DLG2: variants seen among roughly 807,000 people sequenced by gnomAD.
DLG2 encodes the protein discs large MAGUK scaffold protein 2, also known as disks large homolog 2.
DLG2 carries 45 observed loss-of-function variants against 132.5 expected under a neutral mutation model. The ratio of observed to expected loss-of-function variants is 0.34; its 90% CI spans 0.27 to 0.44. The LOEUF is 0.44. DLG2 is among the 20% of genes least tolerant of loss of function. DLG2 has a pLI of 1.00. For missense variants in DLG2, 1,045 were observed against 1,196.9 expected, an observed-to-expected ratio of 0.87 and a Z score of 1.87; for synonymous variants, 424 against 419.6, an observed-to-expected ratio of 1.01 and a Z score of -0.13.
chr11:83,611,505 T>C (rs1037315653), intron 19 of DLG2, among the ~76,000 whole-genome samples: 1 of 152,240 alleles, frequency 6.6e-6, no homozygotes, highest in Non-Finnish European at 1.5e-5. Context: ...TTTTTTGCTT[T>C]TGAAACTCCA....
chr11:85,402,085 C>G (rs746108606), intron 3 of DLG2, among the ~76,000 whole-genome samples: 1 of 152,180 alleles, frequency 6.6e-6, no homozygotes, highest in Non-Finnish European at 1.5e-5. Flanking sequence ...TACCTGACTT[C>G]AAACTATACT....
At chr11:83,583,139 T>G (rs2097012946) in intron 19 of DLG2, among the ~76,000 whole-genome samples, 1 of 152,222 alleles carries the variant, frequency 6.6e-6, no homozygotes, top group African/African-American at 2.4e-5. Context: ...ACTAGTTAAA[T>G]AAGAAGAAAT....
chr11:83,573,814 A>T (rs79448616), intron 19 of DLG2, among the ~76,000 whole-genome samples: 2,466 of 152,286 alleles, frequency 0.016, 80 homozygotes, highest in African/African-American at 0.055. Context: ...AATACAGGAT[A>T]ACTACATGTG....
chr11:84,541,314 G>A (rs1265755799), intron 6 of DLG2, among the ~76,000 whole-genome samples: 4 of 151,960 alleles, frequency 2.6e-5, no homozygotes, highest in Admixed American at 6.6e-5. Flanking sequence ...TACTACTTAT[G>A]TCTCCCTATC....
rs187144112 is a variant in DLG2, at chr11:84,635,007, G to A, written c.358-100276C>T. 2.0e-3 allele frequency among the ~76,000 whole-genome samples: 310 copies of A among 152,294 alleles called. 1 individual carries two copies. Among genetic ancestry groups the A allele is most frequent in the African/African-American group, 7.2e-3 (299 of 41,548 alleles). On this transcript the variant is annotated intron_variant, in intron 6 of 27. Transcript: ENST00000376104. The stretch of plus-strand genomic sequence containing the variant: ...TCAGAAAAGCACAATAATTCAATCC[G>A]CTGGAGGAGAGGATGACAACAGGGG...
At chr11:85,578,147 T>C (rs1162074456) in intron 3 of DLG2, among the ~76,000 whole-genome samples, 7 of 152,112 alleles carry the variant, frequency 4.6e-5, no homozygotes, top group Non-Finnish European at 8.8e-5. Context: ...GGGAAGGGAT[T>C]CCCTAATCAA....
chr11:85,172,768 G>A (rs1353294487), intron 4 of DLG2, among the ~76,000 whole-genome samples: 1 of 152,160 alleles, frequency 6.6e-6, no homozygotes, highest in Non-Finnish European at 1.5e-5. Context: ...AGCTAGTTTA[G>A]TGGGAACATA....
At chr11:83,465,579 G>A (rs1292474106) in intron 26 of DLG2, among the ~76,000 whole-genome samples, 4 of 152,030 alleles carry the variant, frequency 2.6e-5, no homozygotes, top group East Asian at 1.9e-4. Context: ...CATGGAAGAG[G>A]TACTGTTTAT....
intron 3 of DLG2, among the ~76,000 whole-genome samples, chr11:85,377,370 A>G (rs1163664910): frequency 6.6e-6 from 1 of 152,108 alleles, no homozygotes; most frequent in Admixed American, 6.6e-5. Flanking sequence ...TGAAAGCTTG[A>G]GTTTCCTCCT....
At chr11:84,992,222 T>C (rs2057196447) in intron 6 of DLG2, among the ~76,000 whole-genome samples, 1 of 152,162 alleles carries the variant, frequency 6.6e-6, no homozygotes, top group Non-Finnish European at 1.5e-5. Context: ...TCAATATTTT[T>C]TAAAGAATTG....
intron 18 of DLG2, among the ~76,000 whole-genome samples, chr11:83,673,368 C>G (rs2077152028): frequency 6.6e-6 from 1 of 152,102 alleles, no homozygotes; most frequent in Non-Finnish European, 1.5e-5. Context: ...TTCTAACGTC[C>G]TATGTTATGA....
At chr11:85,079,193 G>C (rs1441068929) in intron 6 of DLG2, among the ~76,000 whole-genome samples, 1 of 152,026 alleles carries the variant, frequency 6.6e-6, no homozygotes, top group Non-Finnish European at 1.5e-5. Flanking sequence ...TAAAGATCTG[G>C]CATCAGTAGA....
chr11:84,363,465 G>A (rs1039904925), intron 7 of DLG2, among the ~76,000 whole-genome samples: 3 of 152,064 alleles, frequency 2.0e-5, no homozygotes, highest in African/African-American at 7.2e-5. Context: ...TGGGTTTCCT[G>A]TTCACTCTGA....
At chr11:84,142,947 A>G (rs1182663662) in intron 9 of DLG2, among the ~76,000 whole-genome samples, 1 of 152,116 alleles carries the variant, frequency 6.6e-6, no homozygotes, top group African/African-American at 2.4e-5. Flanking sequence ...ATATATATAT[A>G]TGTCCTACTG....
chr11:85,152,039 A>C (rs1203413911), intron 5 of DLG2, among the ~76,000 whole-genome samples: 1 of 152,164 alleles, frequency 6.6e-6, no homozygotes, highest in East Asian at 1.9e-4. Context: ...TCTAAATATC[A>C]GAAAGAACAG....
intron 11 of DLG2, among the ~76,000 whole-genome samples, chr11:84,026,975 T>G (rs1444831449): frequency 6.6e-6 from 1 of 152,126 alleles, no homozygotes; most frequent in African/African-American, 2.4e-5. Flanking sequence ...ATTATATTTT[T>G]TAGGCCCTCG....
chr11:83,819,668 T>A (rs138405875), intron 17 of DLG2, among the ~76,000 whole-genome samples: 2 of 152,062 alleles, frequency 1.3e-5, no homozygotes, highest in Admixed American at 6.6e-5. Context: ...TCCTGGAATA[T>A]GTTTTACAGC....
At chr11:84,246,048 G>C (rs577907168) in intron 8 of DLG2, among the ~76,000 whole-genome samples, 1 of 152,198 alleles carries the variant, frequency 6.6e-6, no homozygotes, top group Non-Finnish European at 1.5e-5. Context: ...ACCCTGGATA[G>C]CTACTGTCCC....
At chr11:84,177,130 A>G (rs1404229123) in intron 8 of DLG2, among the ~76,000 whole-genome samples, 1 of 152,126 alleles carries the variant, frequency 6.6e-6, no homozygotes, top group Non-Finnish European at 1.5e-5. Flanking sequence ...GAAGAGATGG[A>G]AGAAAATTCA....
Sources: gnomAD v4.1 joint callset for allele counts (sites outside exome capture counted in the v4.1 genomes callset) on GRCh38, gnomAD v4.1.1 for gene constraint, MANE v1.5 for transcripts, NCBI Gene and HGNC (gene_info 2026-07-23, HGNC 2026-07-21) for gene names.